KAT6B: variants seen among roughly 807,000 people sequenced by gnomAD.
KAT6B encodes lysine acetyltransferase 6B.
In KAT6B, 10 loss-of-function variants were observed where a neutral mutation model predicts 187.5. The ratio of observed to expected loss-of-function variants is 0.05; its 90% CI spans 0.03 to 0.09. The LOEUF (loss-of-function observed/expected upper bound fraction) is 0.09. KAT6B is among the 10% of genes least tolerant of loss of function. The pLI is 1.00. For synonymous variants in KAT6B, 861 were observed against 926.8 expected (o/e 0.93, Z 1.29); for missense variants, 1,952 against 2,558.9 (o/e 0.76, Z 5.12).
At chr10:74,830,731 C>CATATATATATATATATATAT (rs1198969374) in intron 1 of KAT6B, among the ~76,000 whole-genome samples, 2 of 17,206 alleles carry the variant, frequency 1.2e-4, no homozygotes, top group African/African-American at 2.2e-4. Flanking sequence ...CACAGCTCTT[C>CATATATATATATATATATAT]ATATATATAT....
chr10:74,884,999 T>C (rs1311002399), intron 3 of KAT6B, among the ~76,000 whole-genome samples: 1 of 152,198 alleles, frequency 6.6e-6, no homozygotes, highest in Non-Finnish European at 1.5e-5. Context: ...TATTGAGCAC[T>C]TAAAATGTGG....
chr10:74,985,841 T>G lies in KAT6B; in HGVS notation c.2535+600T>G, dbSNP rs370274814. 4.2e-4 allele frequency among the ~76,000 whole-genome samples: 64 copies of G among 152,220 alleles called. No individual in the cohort carries two copies. In the East Asian group the frequency reaches 5.0e-3, roughly 12 times the overall value. On this transcript the variant is annotated intron_variant, in intron 12 of 17. Coordinates refer to ENST00000287239, the MANE Select transcript of KAT6B (RefSeq NM_012330.4). The stretch of plus-strand genomic sequence containing the variant: ...GTGGGCGGATCATGAGGTCGAGAGA[T>G]AGAGACCATCCTGGCCAACATGGTG...
At chr10:74,888,185 T>C (rs1845419928) in intron 3 of KAT6B, among the ~76,000 whole-genome samples, 4 of 152,236 alleles carry the variant, frequency 2.6e-5, no homozygotes, top group African/African-American at 9.6e-5. Flanking sequence ...AAGAATGGGT[T>C]TCTTGTTAGA....
At chr10:74,828,834 TG>T (rs1402168163) in intron 1 of KAT6B, among the ~76,000 whole-genome samples, 1 of 152,126 alleles carries the variant, frequency 6.6e-6, no homozygotes, top group Non-Finnish European at 1.5e-5. Flanking sequence ...CCCAAAGTGC[TG>T]GGATTACAGG....
intron 3 of KAT6B, among the ~76,000 whole-genome samples, chr10:74,885,256 G>T (rs1845154161): frequency 6.6e-6 from 1 of 151,890 alleles, no homozygotes; most frequent in South Asian, 2.1e-4. Context: ...AAATTTTGTA[G>T]ATATGGGGTC....
chr10:74,979,131 T>C (rs754100859), intron 9 of KAT6B, 93 bp from the exon 10 acceptor site: 37 of 822,818 alleles, frequency 4.5e-5, no homozygotes, highest in Non-Finnish European at 7.2e-5. Flanking sequence ...ATTAGTGTTC[T>C]GATCTTGATA....
chr10:74,830,416 G>A (rs539777967), intron 1 of KAT6B, among the ~76,000 whole-genome samples: 2 of 152,070 alleles, frequency 1.3e-5, no homozygotes, highest in South Asian at 2.1e-4. Flanking sequence ...TGAAATTGCC[G>A]GTTTATAGCT....
chr10:74,918,524 C>G (rs567230236), intron 3 of KAT6B, among the ~76,000 whole-genome samples: 1 of 152,286 alleles, frequency 6.6e-6, no homozygotes, highest in African/African-American at 2.4e-5. Flanking sequence ...GGCGGATAAC[C>G]TAAGGTCAGG....
chr10:74,999,187 C>G (rs1843654932), intron 13 of KAT6B, among the ~76,000 whole-genome samples: 1 of 152,184 alleles, frequency 6.6e-6, no homozygotes, highest in Admixed American at 6.5e-5. Flanking sequence ...CCTGTTCGTT[C>G]CGTAGCAGGA....
intron 3 of KAT6B, among the ~76,000 whole-genome samples, chr10:74,929,844 A>T (rs1045456717): frequency 6.6e-6 from 1 of 152,154 alleles, no homozygotes; most frequent in African/African-American, 2.4e-5. Context: ...TTAGGTCTTA[A>T]AATCAGTCAG....
chr10:74,880,903 A>G (rs1304520654), intron 3 of KAT6B, among the ~76,000 whole-genome samples: 1 of 149,614 alleles, frequency 6.7e-6, no homozygotes, highest in Non-Finnish European at 1.5e-5. Context: ...GGCGTGAGCC[A>G]CTGTTCCTGG....
chr10:74,938,928 G>A (rs1435876021), intron 3 of KAT6B, among the ~76,000 whole-genome samples: 1 of 151,928 alleles, frequency 6.6e-6, no homozygotes, highest in Non-Finnish European at 1.5e-5. Context: ...GTAGAGACAG[G>A]GTTTCACCAT....
intron 4 of KAT6B, among the ~76,000 whole-genome samples, chr10:74,960,568 A>G (rs1211023824): frequency 6.6e-6 from 1 of 151,328 alleles, no homozygotes; most frequent in Non-Finnish European, 1.5e-5. Context: ...AAAAAAAAAC[A>G]AAAACAAAAA....
At chr10:74,894,786 A>G (rs936986534) in intron 3 of KAT6B, among the ~76,000 whole-genome samples, 4 of 152,130 alleles carry the variant, frequency 2.6e-5, no homozygotes, top group African/African-American at 9.7e-5. Flanking sequence ...CATTGTATGG[A>G]TAGACCACAT....
intron 3 of KAT6B, among the ~76,000 whole-genome samples, chr10:74,880,430 A>C (rs557074273): frequency 6.6e-6 from 1 of 152,372 alleles, no homozygotes; most frequent in East Asian, 1.9e-4. Context: ...TAACTGCCAA[A>C]TAATAGTTCT....
In KAT6B at chr10:74,842,610, C is replaced by T; in HGVS notation, c.-248C>T. Reference sequence around the variant, plus strand: ...TTTTTATCCTTTAAGGTCTTGATTTCCCAGTTAAAGATGTTCTTCACCCGA... The same window carrying T: ...TTTTTATCCTTTAAGGTCTTGATTTTCCAGTTAAAGATGTTCTTCACCCGA... On this transcript the variant is annotated 5_prime_UTR_variant, in exon 3 of 18. Coordinates refer to ENST00000287239, the MANE Select transcript of KAT6B (RefSeq NM_012330.4). 1 of 598,950 alleles carries T rather than the reference C, an allele frequency of 1.7e-6. No individual in the cohort carries two copies. The highest frequency in any genetic ancestry group is 3.0e-6 in the Non-Finnish European group (1 of 338,584). The allele number at this position is 598,950 out of a possible 1,614,324, so 37.1% of individuals were successfully genotyped here.
At chr10:74,977,997 A>G (rs980415720) in intron 9 of KAT6B, among the ~76,000 whole-genome samples, 2 of 152,188 alleles carry the variant, frequency 1.3e-5, no homozygotes, top group African/African-American at 4.8e-5. Flanking sequence ...TTGACAGGTG[A>G]GGCTGTCAGA....
intron 1 of KAT6B, among the ~76,000 whole-genome samples, chr10:74,828,708 C>T (rs1237066682): frequency 6.6e-6 from 1 of 151,678 alleles, no homozygotes; most frequent in Non-Finnish European, 1.5e-5. Context: ...GCTGGGACTA[C>T]AGGCGCCTGC....
intron 3 of KAT6B, among the ~76,000 whole-genome samples, chr10:74,951,021 T>A (rs1175320506): frequency 6.6e-6 from 1 of 152,024 alleles, no homozygotes; most frequent in Non-Finnish European, 1.5e-5. Context: ...GAAATGAAAA[T>A]TAAATTTAAA....
Sources: gnomAD v4.1 joint callset for allele counts (sites outside exome capture counted in the v4.1 genomes callset) on GRCh38, gnomAD v4.1.1 for gene constraint, MANE v1.5 for transcripts, NCBI Gene and HGNC (gene_info 2026-07-23, HGNC 2026-07-21) for gene names.